Variants in ALDH5A1 observed in about 807,000 individuals in gnomAD.
The protein encoded by ALDH5A1 is aldehyde dehydrogenase 5 family member A1.
In ALDH5A1, 33 loss-of-function variants were observed where a neutral mutation model predicts 54.7. The ratio of observed to expected loss-of-function variants is 0.60; its 90% CI spans 0.46 to 0.81. The LOEUF (loss-of-function observed/expected upper bound fraction) is 0.81, where lower values mean the gene tolerates loss of function less well. Among genes scored for constraint, ALDH5A1 ranks in the 30% least tolerant of loss-of-function variants. The probability of loss-of-function intolerance (pLI) is 0.00; values close to 1 mark genes in which losing one functional copy is unlikely to be tolerated. For missense variants in ALDH5A1, 657 were observed against 711.0 expected, an observed-to-expected ratio of 0.92 and a Z score of 0.86; for synonymous variants, 294 against 292.7, an observed-to-expected ratio of 1.00 and a Z score of -0.05.
At chr6:24,529,202 C>T (rs577141743) in intron 8 of ALDH5A1, among the ~76,000 whole-genome samples, 3 of 151,280 alleles carry the variant, frequency 2.0e-5, no homozygotes, top group East Asian at 2.0e-4. Context: ...AGTCTAACTC[C>T]GTCATCCAGG....
At chr6:24,532,080 C>T (rs564803780) in intron 8 of ALDH5A1, 39 bp from the exon 9 acceptor site, 5 of 1,585,672 alleles carry the variant, frequency 3.2e-6, no homozygotes, top group Admixed American at 3.4e-5. Context: ...CCTTTCCTCT[C>T]CCCCTTACAT....
rs1465102658 is a variant in ALDH5A1, at chr6:24,534,393, G to C, written c.*681G>C. On this transcript the variant is annotated 3_prime_UTR_variant, in exon 10 of 10. Coordinates refer to ENST00000357578, the MANE Select transcript of ALDH5A1 (RefSeq NM_001080.3). ...TTCTATTTTCATTTCTGTCCTGTTT[G>C]CCACTTCATTTCATTTCCTTGAGTA... The C allele has an allele frequency of 6.6e-6, 1 of 152,488 alleles. No homozygotes were observed. The highest frequency in any genetic ancestry group is 1.5e-5 in the Non-Finnish European group (1 of 68,304). 9.4% of individuals were successfully genotyped at this position (152,488 alleles called of 1,614,324 possible).
chr6:24,517,479 C>T (rs1759597726), intron 5 of ALDH5A1, among the ~76,000 whole-genome samples: 4 of 152,228 alleles, frequency 2.6e-5, no homozygotes, highest in South Asian at 4.2e-4. Flanking sequence ...CAAACTTATC[C>T]GCAGAAAGAT....
rs777804457 is a variant in ALDH5A1 at position 24,502,570 on chromosome 6, T to C, written c.402T>C (p.Asn134=). The C allele has an allele frequency of 1.9e-6, 3 of 1,613,828 alleles. No homozygotes were observed. Among genetic ancestry groups the C allele is most frequent in the Non-Finnish European group, 2.5e-6 (3 of 1,179,744 alleles). ...LRKWYNLMIQ[N]KDDLARIITA... ...AGTGGTACAATTTAATGATACAAAA[T>C]AAGGATGACCTTGCCAGAATAATCA... Residue 134 remains asparagine, a synonymous_variant, in exon 2 of 10, where the codon AAT becomes AAC. Coordinates refer to ENST00000357578, the MANE Select transcript of ALDH5A1 (RefSeq NM_001080.3).
chr6:24,501,919 A>G (rs1355611765), intron 1 of ALDH5A1, among the ~76,000 whole-genome samples: 20 of 94,640 alleles, frequency 2.1e-4, no homozygotes, highest in African/African-American at 6.2e-4. Flanking sequence ...GTGTGGGTGT[A>G]TATATATATG....
intron 1 of ALDH5A1, among the ~76,000 whole-genome samples, chr6:24,502,140 T>G (rs965323669): frequency 1.1e-4 from 16 of 152,152 alleles, no homozygotes; most frequent in African/African-American, 3.4e-4. Context: ...GTACCAGGAA[T>G]GACAATGTCT....
At chr6:24,515,105 T>TTTTTTTTTTTTTTTTTTTG in intron 4 of ALDH5A1, 62 bp from the exon 5 acceptor site, 1 of 1,186,358 alleles carries the variant, frequency 8.4e-7, no homozygotes, top group Admixed American at 2.7e-5. Context: ...CTCTTTTCTT[T>TTTTTTTTTTTTTTTTTTTG]TTTTTTTTTT....
chr6:24,512,434 T>G (rs183035092), intron 4 of ALDH5A1, among the ~76,000 whole-genome samples: 2 of 152,332 alleles, frequency 1.3e-5, no homozygotes, highest in East Asian at 3.9e-4. Flanking sequence ...CTTTTCACCT[T>G]CGATTTTTCT....
At chr6:24,530,362 T>TA (rs145278501) in intron 8 of ALDH5A1, among the ~76,000 whole-genome samples, 13 of 152,044 alleles carry the variant, frequency 8.6e-5, no homozygotes, top group Admixed American at 2.0e-4. Flanking sequence ...TTTTCCTTTT[T>TA]AAAAAAAACA....
At chr6:24,529,154 C>CT (rs1026427104) in intron 8 of ALDH5A1, among the ~76,000 whole-genome samples, 15 of 151,152 alleles carry the variant, frequency 9.9e-5, no homozygotes, top group African/African-American at 2.9e-4. Flanking sequence ...CCTTTATCCA[C>CT]TTTTTTTTTC....
At chr6:24,516,173 A>T (rs1347638360) in intron 5 of ALDH5A1, among the ~76,000 whole-genome samples, 1 of 152,108 alleles carries the variant, frequency 6.6e-6, no homozygotes, top group East Asian at 1.9e-4. Flanking sequence ...GCGGTGGCTC[A>T]CACCTGTAAT....
intron 5 of ALDH5A1, among the ~76,000 whole-genome samples, chr6:24,517,163 G>A (rs749668407): frequency 1.3e-5 from 2 of 152,012 alleles, no homozygotes; most frequent in South Asian, 2.1e-4. Context: ...GTGCCACTAC[G>A]CCTGGCTAAT....
At chr6:24,497,516 T>C (rs1031003802) in intron 1 of ALDH5A1, among the ~76,000 whole-genome samples, 6 of 152,294 alleles carry the variant, frequency 3.9e-5, no homozygotes, top group African/African-American at 4.8e-5. Context: ...AGGGTGCTGA[T>C]TGGTGTGTTT....
intron 1 of ALDH5A1, 85 bp downstream of exon 1, chr6:24,495,435 C>A: frequency 7.5e-7 from 1 of 1,334,638 alleles, no homozygotes; most frequent in Non-Finnish European, 1.0e-6. Flanking sequence ...GTGACACCAG[C>A]CGCGTCGCCT....
chr6:24,501,663 A>C (rs185898958), intron 1 of ALDH5A1, among the ~76,000 whole-genome samples: 133 of 152,268 alleles, frequency 8.7e-4, no homozygotes, highest in African/African-American at 3.1e-3. Context: ...GTGAGGTATG[A>C]TCACACCACT....
In ALDH5A1 at chr6:24,495,283, G is replaced by A. The variant is rs753257054; in HGVS notation, c.287G>A (p.Arg96Gln). ...GGCATGGTAGCCGACTGCGGGGTGC[G>A]AGAGGCCCGCGCCGCCGTGCGCGCT... is the stretch of plus-strand genomic sequence containing the variant. Reference protein sequence around the residue: ...ALGMVADCGVREARAAVRAAY... With the variant: ...ALGMVADCGVQEARAAVRAAY... Residue 96 changes from arginine (R) to glutamine (Q), a missense_variant, in exon 1 of 10, where the codon CGA becomes CAA. Transcript: ENST00000357578. 7 of 1,533,006 alleles carry A rather than the reference G, an allele frequency of 4.6e-6. No individual in the cohort carries two copies. Among genetic ancestry groups the A allele is most frequent in the Non-Finnish European group, 6.1e-6 (7 of 1,146,350 alleles). The allele number at this position is 1,533,006 out of a possible 1,614,324, so 95.0% of individuals were successfully genotyped here.
intron 8 of ALDH5A1, 169 bp from the exon 9 acceptor site, chr6:24,531,948 TGA>T (rs1308830066): frequency 1.5e-5 from 10 of 688,250 alleles, no homozygotes; most frequent in Non-Finnish European, 2.4e-5. Context: ...CCTTAATCGC[TGA>T]GTTATATCGG....
At chr6:24,498,348 T>C (rs1051729177) in intron 1 of ALDH5A1, among the ~76,000 whole-genome samples, 4 of 152,102 alleles carry the variant, frequency 2.6e-5, no homozygotes, top group Non-Finnish European at 5.9e-5. Flanking sequence ...GCTATGGAAA[T>C]GGTGAGATCA....
intron 7 of ALDH5A1, among the ~76,000 whole-genome samples, chr6:24,524,602 G>A (rs1759767463): frequency 6.6e-6 from 1 of 152,180 alleles, no homozygotes; most frequent in Non-Finnish European, 1.5e-5. Flanking sequence ...AAGCCTCGAG[G>A]TTTGACAGAG....
Sources: allele counts gnomAD v4.1 joint callset (sites outside exome capture counted in the v4.1 genomes callset), GRCh38; gene constraint gnomAD v4.1.1; transcripts MANE v1.5; gene names NCBI Gene and HGNC (gene_info 2026-07-23, HGNC 2026-07-21).